Variants in PFKFB4 observed in about 807,000 individuals in gnomAD.
PFKFB4 encodes 6-phosphofructo-2-kinase/fructose-2,6-biphosphatase 4.
A neutral mutation model predicts 62.8 loss-of-function variants in PFKFB4; 42 were observed. The observed-to-expected ratio is 0.67, with a 90% CI of 0.52 to 0.86. PFKFB4 has a LOEUF of 0.86. Ranked by LOEUF, PFKFB4 falls within the 40% of genes least tolerant of loss-of-function variation. The pLI is 0.00. For synonymous variants in PFKFB4, 204 were observed against 240.7 expected (o/e 0.85, Z 1.41); for missense variants, 475 against 627.2 (o/e 0.76, Z 2.59).
chr3:48,562,829 G>T, upstream of PFKFB4: 2 of 1,576,254 alleles, frequency 1.3e-6, no homozygotes, highest in Middle Eastern at 1.7e-4. The surrounding 1 kb of genome is among the most constrained non-coding windows in gnomAD (Gnocchi z 4.3). Context: ...GTTGGTGGTG[G>T]CCTGCTCCCT....
chr3:48,541,089 T>G (rs1162541313), intron 4 of PFKFB4, among the ~76,000 whole-genome samples: 1 of 147,070 alleles, frequency 6.8e-6, no homozygotes, highest in African/African-American at 2.5e-5. Context: ...CTGGCTAATT[T>G]TTTTTTTTTT....
chr3:48,555,590 CTT>C (rs1468142868), intron 1 of PFKFB4, among the ~76,000 whole-genome samples: 1 of 152,182 alleles, frequency 6.6e-6, no homozygotes, highest in Non-Finnish European at 1.5e-5. Context: ...TAAAACAAAT[CTT>C]TCTTTTCCTG....
chr3:48,559,484 G>C, upstream of PFKFB4: 1 of 456,834 alleles, frequency 2.2e-6, no homozygotes, highest in South Asian at 1.5e-5. Context: ...CACTACAGTG[G>C]AATCGCACAG....
intron 12 of PFKFB4, among the ~76,000 whole-genome samples, chr3:48,523,190 G>T (rs1216010209): frequency 6.6e-6 from 1 of 152,088 alleles, no homozygotes; most frequent in Non-Finnish European, 1.5e-5. Flanking sequence ...TTCGAGACCA[G>T]CCTGACAACA....
At chr3:48,558,096 A>T (rs2043373572), upstream of PFKFB4, among the ~76,000 whole-genome samples, 2 of 152,178 alleles carry the variant, frequency 1.3e-5, no homozygotes, top group Non-Finnish European at 2.9e-5. Context: ...TTCATTTTAA[A>T]ATACGTTATG....
chr3:48,553,060 A>AGGAG (rs1427805690), intron 1 of PFKFB4, among the ~76,000 whole-genome samples: 2 of 152,234 alleles, frequency 1.3e-5, no homozygotes, highest in African/African-American at 4.8e-5. Flanking sequence ...AGGCACAACA[A>AGGAG]GGAGGGAACA....
chr3:48,529,043 A>T (rs945333392), intron 9 of PFKFB4, among the ~76,000 whole-genome samples: 10 of 151,790 alleles, frequency 6.6e-5, no homozygotes, highest in African/African-American at 9.7e-5. Flanking sequence ...TTATTTATTT[A>T]TTTATTTTTT....
chr3:48,559,508 G>A (rs753347393), upstream of PFKFB4: 17 of 456,928 alleles, frequency 3.7e-5, no homozygotes, highest in Non-Finnish European at 7.5e-5. Flanking sequence ...ACCTTCACAT[G>A]TGTGCTCCCA....
At chr3:48,525,919 CTA>C (rs2042243462) in intron 9 of PFKFB4, 6 of 302,610 alleles carry the variant, frequency 2.0e-5, no homozygotes, top group Non-Finnish European at 3.7e-5. Context: ...CACAGAGATG[CTA>C]TGTGTTTTTT....
In PFKFB4 at chr3:48,551,519, C is replaced by CT. The variant is rs71074260; in HGVS notation, c.98-1286dup. 4.2e-3 allele frequency among the ~76,000 whole-genome samples: 121 copies of CT among 29,122 alleles called. 9 individuals carry two copies. The highest frequency in any genetic ancestry group is 8.9e-3 in the African/African-American group (55 of 6,186). The allele number at this position is 29,122 out of a possible 152,430, so 19.1% of individuals were successfully genotyped here. A position where few individuals can be genotyped will look rare whatever the true frequency, so the allele number is the denominator to read the frequency against. On this transcript the variant is annotated intron_variant, in intron 1 of 13. Coordinates refer to ENST00000232375, the MANE Select transcript of PFKFB4 (RefSeq NM_004567.4). ...GGTGTGAGCCATCACCTCCAGCCTT[C>CT]TTTTTTTTTTTTTTTTTTTTTTTTT... is the stretch of plus-strand genomic sequence containing the variant.
At chr3:48,542,162 A>C (rs1242498449) in intron 4 of PFKFB4, among the ~76,000 whole-genome samples, 1 of 151,738 alleles carries the variant, frequency 6.6e-6, no homozygotes, top group Non-Finnish European at 1.5e-5. Flanking sequence ...GTGAAACCCC[A>C]TCTCTACTAA....
intron 1 of PFKFB4, among the ~76,000 whole-genome samples, chr3:48,553,669 C>T (rs937823753): frequency 2.0e-5 from 3 of 152,210 alleles, no homozygotes; most frequent in South Asian, 2.1e-4. Flanking sequence ...TTACTTCTAC[C>T]CAAGGAGCAG....
upstream of PFKFB4, among the ~76,000 whole-genome samples, chr3:48,557,542 CT>C (rs375629553): frequency 2.2e-4 from 33 of 147,588 alleles, no homozygotes; most frequent in South Asian, 8.5e-4. Flanking sequence ...ATGCGTGGGA[CT>C]TTTTTTTTTT....
In PFKFB4 at chr3:48,542,049, A is replaced by G. The variant is rs371109004; in HGVS notation, c.378+1531T>C. 2.0e-5 allele frequency among the ~76,000 whole-genome samples: 3 copies of G among 152,324 alleles called. No homozygotes were observed. The East Asian group carries it at 5.8e-4, about 29-fold the overall frequency. ...CAAAACAAACAACCAAAAAAAACAG[A>G]GAAAATAAAGAGAAAGGCTGGGCGT... On this transcript the variant is annotated intron_variant, in intron 4 of 13. Transcript: ENST00000232375.
At chr3:48,520,248 G>C (rs1560147199) in intron 13 of PFKFB4, among the ~76,000 whole-genome samples, 1 of 152,128 alleles carries the variant, frequency 6.6e-6, no homozygotes, top group Non-Finnish European at 1.5e-5. Flanking sequence ...AAGCCTATGG[G>C]CATTTCCTGG....
intron 3 of PFKFB4, among the ~76,000 whole-genome samples, chr3:48,546,422 G>A (rs1575392630): frequency 6.6e-6 from 1 of 152,274 alleles, no homozygotes; most frequent in East Asian, 1.9e-4. Context: ...GAACATATGC[G>A]ATCATGCTTG....
At chr3:48,551,649 A>G (rs1560179396) in intron 1 of PFKFB4, among the ~76,000 whole-genome samples, 1 of 140,214 alleles carries the variant, frequency 7.1e-6, no homozygotes, top group South Asian at 2.2e-4. Flanking sequence ...GGCTCAAGCA[A>G]TTCTCGTGCC....
chr3:48,552,288 C>T (rs982505713), intron 1 of PFKFB4, among the ~76,000 whole-genome samples: 1 of 152,260 alleles, frequency 6.6e-6, no homozygotes, highest in African/African-American at 2.4e-5. Flanking sequence ...ACCTCGGCAC[C>T]GACTGCCCTT....
chr3:48,549,742 C>T, intron 3 of PFKFB4, 122 bp downstream of exon 3: 2 of 708,782 alleles, frequency 2.8e-6, no homozygotes, highest in Non-Finnish European at 5.2e-6. Context: ...TCAGGAGTAG[C>T]TCAGTCATTC....
Sources: allele counts gnomAD v4.1 joint callset (sites outside exome capture counted in the v4.1 genomes callset), GRCh38; gene constraint gnomAD v4.1.1; non-coding constraint Gnocchi (gnomAD v3.1); transcripts MANE v1.5; gene names NCBI Gene and HGNC (gene_info 2026-07-23, HGNC 2026-07-21).